Variants in ROBO2 observed in about 807,000 individuals in gnomAD.
ROBO2 encodes roundabout homolog 2.
ROBO2 carries 53 observed loss-of-function variants against 160.8 expected under a neutral mutation model. That is an observed-to-expected ratio of 0.33 (90% CI 0.26 to 0.41). ROBO2 has a LOEUF of 0.41. ROBO2 is among the 10% of genes least tolerant of loss of function. The pLI is 1.00. For synonymous variants in ROBO2, 664 were observed against 611.7 expected (o/e 1.09, Z -1.26); for missense variants, 1,577 against 1,722.4 (o/e 0.92, Z 1.49).
intron 2 of ROBO2, among the ~76,000 whole-genome samples, chr3:76,685,781 T>C (rs1474796606): frequency 6.6e-6 from 1 of 152,160 alleles, no homozygotes; most frequent in Non-Finnish European, 1.5e-5. Flanking sequence ...AATTAATCCT[T>C]AGACAAAGTA....
At chr3:76,340,754 T>C (rs144089651) in intron 2 of ROBO2, among the ~76,000 whole-genome samples, 3 of 152,260 alleles carry the variant, frequency 2.0e-5, no homozygotes, top group Non-Finnish European at 4.4e-5. Flanking sequence ...AAGATGTCAA[T>C]GCTGCAAATA....
chr3:76,210,440 A>G (rs1436022789), intron 2 of ROBO2, among the ~76,000 whole-genome samples: 1 of 152,088 alleles, frequency 6.6e-6, no homozygotes, highest in Admixed American at 6.6e-5. Context: ...GCACAAATCA[A>G]TTTTAAGAAA....
At chr3:76,390,338 A>T (rs1408642931) in intron 2 of ROBO2, among the ~76,000 whole-genome samples, 2 of 152,128 alleles carry the variant, frequency 1.3e-5, no homozygotes, top group African/African-American at 4.8e-5. Context: ...AGTTTAGTTA[A>T]TATAATAACT....
intron 2 of ROBO2, among the ~76,000 whole-genome samples, chr3:76,265,978 A>G (rs1707078214): frequency 6.6e-6 from 1 of 152,148 alleles, no homozygotes; most frequent in South Asian, 2.1e-4. Flanking sequence ...CAAGAATATA[A>G]TTTTACCTTT....
chr3:76,220,335 A>ATAC (rs1703879595), intron 2 of ROBO2, among the ~76,000 whole-genome samples: 1 of 151,904 alleles, frequency 6.6e-6, no homozygotes, highest in Admixed American at 6.6e-5. Context: ...AATAATAATA[A>ATAC]TAAAAGAGAA....
In ROBO2 at chr3:76,350,370, A is replaced by G. The variant is rs775991535; in HGVS notation, c.109+412768A>G. ...ATCTTTTCAACCCAGAGAGAATATC[A>G]CATTCTCCTTAGTGCAGATCCAGGC... On this transcript the variant is annotated intron_variant, in intron 2 of 26. Coordinates refer to the ROBO2 transcript ENST00000487694. Among the ~76,000 whole-genome samples, 48 of 152,066 alleles carry G rather than the reference A, an allele frequency of 3.2e-4. 1 individual carries two copies. The highest frequency in any genetic ancestry group is 3.1e-3 in the Admixed American group (47 of 15,234).
At chr3:76,140,745 A>G (rs1244452925) in intron 2 of ROBO2, among the ~76,000 whole-genome samples, 1 of 151,614 alleles carries the variant, frequency 6.6e-6, no homozygotes, top group Non-Finnish European at 1.5e-5. Flanking sequence ...TGAATTCCCA[A>G]TTTTATTGTT....
intron 2 of ROBO2, among the ~76,000 whole-genome samples, chr3:76,753,835 T>G (rs562684833): frequency 6.6e-6 from 1 of 152,014 alleles, no homozygotes; most frequent in Admixed American, 6.6e-5. Context: ...GAGTTGATAG[T>G]TTCAGGACTG....
At chr3:76,506,302 G>A (rs1305369516) in intron 2 of ROBO2, among the ~76,000 whole-genome samples, 1 of 152,166 alleles carries the variant, frequency 6.6e-6, no homozygotes, top group Non-Finnish European at 1.5e-5. Flanking sequence ...AGTGTCCTGT[G>A]AGGGCTGCTT....
chr3:76,521,154 TTC>T (rs2081594853), intron 2 of ROBO2, among the ~76,000 whole-genome samples: 2 of 148,696 alleles, frequency 1.3e-5, no homozygotes, highest in Admixed American at 6.9e-5. Flanking sequence ...GTTCAAGCAA[TTC>T]TCCCACCTCA....
At chr3:77,040,700 T>C (rs2063995558) in exon 1 of ROBO2, 2 of 1,609,158 alleles carry the variant, frequency 1.2e-6, no homozygotes, top group Non-Finnish European at 1.7e-6. Flanking sequence ...ACTTTGGACC[T>C]ACCTCTTTTT....
chr3:76,882,015 G>A (rs566522307), intron 2 of ROBO2, among the ~76,000 whole-genome samples: 1 of 150,790 alleles, frequency 6.6e-6, no homozygotes, highest in South Asian at 2.1e-4. Context: ...TGGTAGTTTG[G>A]TTGTGTGTGT....
At chr3:77,438,909 A>C (rs932466919) in intron 2 of ROBO2, among the ~76,000 whole-genome samples, 5 of 152,232 alleles carry the variant, frequency 3.3e-5, no homozygotes, top group African/African-American at 1.2e-4. Context: ...AAAGTGAAGT[A>C]GTTTTTTTGA....
chr3:76,404,337 A>G (rs2078010839), intron 2 of ROBO2, among the ~76,000 whole-genome samples: 1 of 151,702 alleles, frequency 6.6e-6, no homozygotes, highest in South Asian at 2.1e-4. Context: ...AAAGTAAGTC[A>G]GTAAGTCTTG....
At chr3:77,109,225 C>T (rs988467711) in intron 2 of ROBO2, among the ~76,000 whole-genome samples, 4 of 152,186 alleles carry the variant, frequency 2.6e-5, no homozygotes, top group African/African-American at 9.7e-5. Flanking sequence ...GATACAGATA[C>T]TTAGAACAAG....
intron 2 of ROBO2, among the ~76,000 whole-genome samples, chr3:76,117,754 G>A: frequency 6.6e-6 from 1 of 152,096 alleles, no homozygotes; most frequent in East Asian, 1.9e-4. Context: ...TCTAGTGGGG[G>A]AGACAGATGT....
At chr3:76,815,257 A>G (rs1308381218) in intron 2 of ROBO2, among the ~76,000 whole-genome samples, 1 of 152,032 alleles carries the variant, frequency 6.6e-6, no homozygotes, top group East Asian at 1.9e-4. Flanking sequence ...ACAAATATCA[A>G]ATTTTCTCTG....
chr3:76,492,563 A>G (rs910610595), intron 2 of ROBO2, among the ~76,000 whole-genome samples: 8 of 79,004 alleles, frequency 1.0e-4, no homozygotes, highest in Non-Finnish European at 2.0e-4. Context: ...TGCATAAAGA[A>G]AAAAAAAACA....
At chr3:75,938,699 A>G (rs1333715204) in intron 2 of ROBO2, among the ~76,000 whole-genome samples, 1 of 152,114 alleles carries the variant, frequency 6.6e-6, no homozygotes, top group Non-Finnish European at 1.5e-5. Context: ...GCCATATGTA[A>G]TATTGTTCAA....
Sources: gnomAD v4.1 joint callset for allele counts (sites outside exome capture counted in the v4.1 genomes callset) on GRCh38, gnomAD v4.1.1 for gene constraint, MANE v1.5 for transcripts, NCBI Gene and HGNC (gene_info 2026-07-23, HGNC 2026-07-21) for gene names.